UBE2D4: variants seen among roughly 807,000 people sequenced by gnomAD.
UBE2D4 encodes ubiquitin-conjugating enzyme E2 D4.
A neutral mutation model predicts 23.0 loss-of-function variants in UBE2D4; 17 were observed. The observed-to-expected ratio is 0.74, with a 90% CI of 0.51 to 1.11. The LOEUF is 1.11. Among genes scored for constraint, UBE2D4 ranks in the 50% least tolerant of loss-of-function variants. UBE2D4 has a pLI of 0.00. For synonymous variants in UBE2D4, 61 were observed against 69.4 expected (o/e 0.88, Z 0.60); for missense variants, 139 against 181.8 (o/e 0.76, Z 1.35).
chr7:43,948,594 C>A, intron 4 of UBE2D4, 38 bp from the exon 5 acceptor site: 1 of 1,367,592 alleles, frequency 7.3e-7, no homozygotes, highest in Admixed American at 1.7e-5. Flanking sequence ...CCACACGTCC[C>A]TGTGGTTTGT....
intron 4 of UBE2D4, chr7:43,943,609 T>C (rs1306814672): frequency 6.4e-6 from 1 of 156,688 alleles, no homozygotes; most frequent in Admixed American, 6.1e-5. Flanking sequence ...ACCTTCACTT[T>C]TCTTTATTAA....
At chr7:43,930,398 T>A (rs1289321411) in intron 1 of UBE2D4, among the ~76,000 whole-genome samples, 1 of 152,202 alleles carries the variant, frequency 6.6e-6, no homozygotes, top group Non-Finnish European at 1.5e-5. Context: ...TTTAAAAAAA[T>A]GTTTTCAAAT....
intron 4 of UBE2D4, chr7:43,945,007 T>A (rs933745049): frequency 3.3e-5 from 5 of 152,178 alleles, no homozygotes; most frequent in East Asian, 1.9e-4. Flanking sequence ...TATTATTATT[T>A]TTGAGACACG....
chr7:43,955,798 TCTGA>T lies in UBE2D4; in HGVS notation c.*3107_*3110del, dbSNP rs1384803663. On this transcript the variant is annotated 3_prime_UTR_variant, in exon 7 of 7. Transcript: ENST00000222402. ...GCTTCCATTCCCCATGGCTCTCTCCTCTGACTGTGAAACACTTCCTCTCCAGCAG... is the reference window on the plus strand; with the variant it reads ...GCTTCCATTCCCCATGGCTCTCTCCTCTGTGAAACACTTCCTCTCCAGCAG... The T allele has an allele frequency of 2.0e-5, 3 of 151,238 alleles. No individual in the cohort carries two copies. Among genetic ancestry groups the T allele is most frequent in the South Asian group, 2.1e-4 (1 of 4,742 alleles). The allele number at this position is 151,238 out of a possible 1,614,324, so 9.4% of individuals were successfully genotyped here. A position where few individuals can be genotyped will look rare whatever the true frequency, so the allele number is the denominator to read the frequency against.
At chr7:43,935,963 A>G (rs1457118093) in intron 1 of UBE2D4, among the ~76,000 whole-genome samples, 1 of 152,192 alleles carries the variant, frequency 6.6e-6, no homozygotes, top group Non-Finnish European at 1.5e-5. Flanking sequence ...TGCCCATGGC[A>G]TCACCCTCTA....
chr7:43,945,023 A>G (rs1050764744), intron 4 of UBE2D4: 3 of 152,002 alleles, frequency 2.0e-5, no homozygotes, highest in Non-Finnish European at 4.4e-5. Context: ...ACACGGTTTC[A>G]CTCTTGTCTC....
chr7:43,932,622 G>A (rs1426260860), intron 1 of UBE2D4, among the ~76,000 whole-genome samples: 1 of 151,900 alleles, frequency 6.6e-6, no homozygotes, highest in African/African-American at 2.4e-5. Flanking sequence ...GCAAAACCCT[G>A]TCTCTCCTAA....
At position 43,926,457 on chromosome 7, in the gene UBE2D4, G is replaced by A; in HGVS notation, c.-76G>A. 7.5e-7 allele frequency: 1 copy of A among 1,328,868 alleles called. No homozygotes were observed. Among genetic ancestry groups the A allele is most frequent in the South Asian group, 1.6e-5 (1 of 61,170 alleles). 82.3% of individuals were successfully genotyped at this position (1,328,868 alleles called of 1,614,324 possible). On this transcript the variant is annotated 5_prime_UTR_variant, in exon 1 of 7. Transcript: ENST00000222402. ...GGCTGCGGCTCCCGGCGTGCAGCTT[G>A]GTGGCGGCTGAGCCGGCAGCGGGCC...
chr7:43,945,645 A>G (rs752315260), intron 4 of UBE2D4, among the ~76,000 whole-genome samples: 3 of 123,148 alleles, frequency 2.4e-5, no homozygotes, highest in Non-Finnish European at 5.8e-5. Context: ...AGTAAGTTTA[A>G]AAAAAACTAT....
In UBE2D4 at chr7:43,954,081, T is replaced by G. The variant is rs1366578094; in HGVS notation, c.*1386T>G. 3 of 152,134 alleles carry G rather than the reference T, an allele frequency of 2.0e-5. No individual in the cohort carries two copies. The highest frequency in any genetic ancestry group is 7.2e-5 in the African/African-American group (3 of 41,420). The allele number at this position is 152,134 out of a possible 1,614,324, so 9.4% of individuals were successfully genotyped here. A position where few individuals can be genotyped will look rare whatever the true frequency, so the allele number is the denominator to read the frequency against. On this transcript the variant is annotated 3_prime_UTR_variant, in exon 7 of 7. Transcript: ENST00000222402. ...GGCTACAAATTTATTGCCAGATATTTTCCCACTGAGAATACTGAGGTTATT... is the reference window on the plus strand; with the variant it reads ...GGCTACAAATTTATTGCCAGATATTGTCCCACTGAGAATACTGAGGTTATT...
At chr7:43,927,976 A>G (rs2095936599) in intron 1 of UBE2D4, 2 of 445,656 alleles carry the variant, frequency 4.5e-6, no homozygotes, top group Non-Finnish European at 8.9e-6. Context: ...TGGGTAATTA[A>G]TAAAGAAAAG....
Position 43,942,845 on chromosome 7 carries a change from C to G in UBE2D4, c.108C>G (p.Thr36=), listed in dbSNP as rs1304411659. 6.2e-7 allele frequency: 1 copy of G among 1,614,186 alleles called. No homozygotes were observed. The highest frequency in any genetic ancestry group is 1.7e-5 in the Admixed American group (1 of 60,020). The part of the protein sequence containing the change: ...VGDDLFHWQA[T]IMGPNDSPYQ... Reference sequence around the variant, plus strand: ...TTGTAGTGTTCCACTGGCAGGCCACCATCATGGGCCCGGTAGGTAGTAGCT... The same window carrying G: ...TTGTAGTGTTCCACTGGCAGGCCACGATCATGGGCCCGGTAGGTAGTAGCT... Residue 36 remains threonine, a synonymous_variant, in exon 3 of 7, where the codon ACC becomes ACG. Coordinates refer to ENST00000222402, the MANE Select transcript of UBE2D4 (RefSeq NM_015983.4).
At chr7:43,947,960 TTA>T in intron 4 of UBE2D4, among the ~76,000 whole-genome samples, 1 of 152,380 alleles carries the variant, frequency 6.6e-6, no homozygotes, top group Non-Finnish European at 1.5e-5. Flanking sequence ...TGAGCATTTT[TTA>T]TGTGTCTGTT....
chr7:43,945,776 CTTTT>C (rs11339851), intron 4 of UBE2D4, among the ~76,000 whole-genome samples: 140 of 84,222 alleles, frequency 1.7e-3, no homozygotes, highest in African/African-American at 5.1e-3. Context: ...GGCAAAATCC[CTTTT>C]TTTTTTTTTT....
At chr7:43,946,602 C>A (rs1304193781) in intron 4 of UBE2D4, among the ~76,000 whole-genome samples, 2 of 152,164 alleles carry the variant, frequency 1.3e-5, no homozygotes, top group Non-Finnish European at 2.9e-5. Context: ...GGAAATTGTT[C>A]CATATGATCA....
chr7:43,938,485 G>A lies in UBE2D4; in HGVS notation c.79G>A (p.Gly27Ser), dbSNP rs61751727. ...TGCCCAGTGTTCTGCAGGACCTGTC[G>A]GTGATGACTGTAAGTATTTTGGGGG... ...PPAQCSAGPV[G>S]DDLFHWQATI... The change falls in exon 2 of 7, where the codon GGT (glycine) becomes AGT (serine). Residue 27 changes from glycine to serine, a missense_variant. Transcript: ENST00000222402. 0.024 allele frequency: 39,498 copies of A among 1,613,874 alleles called. 648 individuals are homozygous for A. Among genetic ancestry groups the A allele is most frequent in the Non-Finnish European group, 0.028 (32,802 of 1,179,854 alleles).
At chr7:43,946,676 A>G (rs1344304239) in intron 4 of UBE2D4, among the ~76,000 whole-genome samples, 3 of 152,320 alleles carry the variant, frequency 2.0e-5, no homozygotes, top group Non-Finnish European at 2.9e-5. Context: ...TTGCTTATAT[A>G]TAACATTAAT....
In UBE2D4 at chr7:43,931,149, C is replaced by T. The variant is rs942650971; in HGVS notation, c.24+4593C>T. Reference sequence around the variant, plus strand: ...AAAAAAAAAAAGAAAAAAAGAAATACCTGAAGGCTGGATGAGGTGGCCCAT... The same window carrying T: ...AAAAAAAAAAAGAAAAAAAGAAATATCTGAAGGCTGGATGAGGTGGCCCAT... On this transcript the variant is annotated intron_variant, in intron 1 of 6. Coordinates refer to ENST00000222402, the MANE Select transcript of UBE2D4 (RefSeq NM_015983.4). Among the ~76,000 whole-genome samples, 57 of 150,450 alleles carry T rather than the reference C, an allele frequency of 3.8e-4. 2 individuals are homozygous for T. Among genetic ancestry groups the T allele is most frequent in the Non-Finnish European group, 1.2e-4 (8 of 67,634 alleles).
rs1183662422 is a variant in UBE2D4, at chr7:43,938,475, A to G, written c.69A>G (p.Ala23=). Residue 23 remains alanine (A), a synonymous_variant, in exon 2 of 7, where the codon GCA becomes GCG. Transcript: ENST00000222402. ...GGGATCCTCCTGCCCAGTGTTCTGC[A>G]GGACCTGTCGGTGATGACTGTAAGT... ...LQRDPPAQCS[A]GPVGDDLFHW... is the part of the protein sequence containing the mutation. 4 of 1,614,022 alleles carry G rather than the reference A, an allele frequency of 2.5e-6. No homozygotes were observed. Among genetic ancestry groups the G allele is most frequent in the East Asian group, 2.2e-5 (1 of 44,900 alleles).
Sources: allele counts gnomAD v4.1 joint callset (sites outside exome capture counted in the v4.1 genomes callset), GRCh38; gene constraint gnomAD v4.1.1; transcripts MANE v1.5; gene names NCBI Gene and HGNC (gene_info 2026-07-23, HGNC 2026-07-21).